LDAH: variants seen among roughly 807,000 people sequenced by gnomAD.
LDAH encodes the protein lipid droplet associated hydrolase.
LDAH carries 26 observed loss-of-function variants against 29.6 expected under a neutral mutation model. That is an observed-to-expected ratio of 0.88 (90% CI 0.64 to 1.22). The LOEUF is 1.22. Among genes scored for constraint, LDAH ranks in the 50% most tolerant of loss-of-function variants. The pLI is 0.00. For synonymous variants in LDAH, 117 were observed against 133.0 expected (o/e 0.88, Z 0.83); for missense variants, 344 against 387.3 (o/e 0.89, Z 0.94).
intron 5 of LDAH, among the ~76,000 whole-genome samples, chr2:20,711,426 T>C (rs1664756687): frequency 6.7e-6 from 1 of 150,086 alleles, no homozygotes. Context: ...CGTTCCAAGA[T>C]GGCCGAATAG....
chr2:20,741,831 T>C (rs933912964), intron 4 of LDAH, among the ~76,000 whole-genome samples: 4 of 152,204 alleles, frequency 2.6e-5, no homozygotes, highest in Admixed American at 1.3e-4. Context: ...CAGTATTCCA[T>C]TGAGTGCATA....
At chr2:20,788,279 C>A (rs1049954268) in intron 3 of LDAH, among the ~76,000 whole-genome samples, 1 of 152,128 alleles carries the variant, frequency 6.6e-6, no homozygotes, top group Admixed American at 6.5e-5. Flanking sequence ...GTTTATCTGA[C>A]GTGCAACATT....
rs148802616 is a variant in LDAH, at chr2:20,796,227, G to C, written c.154+5083C>G. Among the ~76,000 whole-genome samples, 653 of 152,138 alleles carry C rather than the reference G, an allele frequency of 4.3e-3. 5 individuals carry two copies. Among genetic ancestry groups the C allele is most frequent in the African/African-American group, 0.015 (623 of 41,486 alleles). ...TTCCTTTCAATCCTCTTCAGCAGAG[G>C]CCTCAGTCACTCTTCTCTAACACCA... On this transcript the variant is annotated intron_variant, in intron 2 of 6. Transcript: ENST00000237822.
At chr2:20,710,606 G>GTGTGTATATATATATC (rs1467950593) in intron 5 of LDAH, among the ~76,000 whole-genome samples, 1 of 131,874 alleles carries the variant, frequency 7.6e-6, no homozygotes, top group Non-Finnish European at 1.6e-5. Flanking sequence ...GTGTGTGTGT[G>GTGTGTATATATATATC]TATATATATA....
chr2:20,731,645 A>G (rs900378396), intron 5 of LDAH, among the ~76,000 whole-genome samples: 8 of 152,114 alleles, frequency 5.3e-5, no homozygotes, highest in African/African-American at 1.7e-4. Flanking sequence ...ATAATTATGT[A>G]TATGTTTTTC....
intron 3 of LDAH, among the ~76,000 whole-genome samples, chr2:20,777,644 A>G (rs1212450243): frequency 6.6e-6 from 1 of 152,058 alleles, no homozygotes; most frequent in African/African-American, 2.4e-5. Context: ...TTCTGACCTC[A>G]GGTGATCCAC....
intron 1 of LDAH, among the ~76,000 whole-genome samples, chr2:20,808,537 G>C (rs778949315): frequency 1.3e-5 from 2 of 151,782 alleles, no homozygotes; most frequent in African/African-American, 2.4e-5. Flanking sequence ...GGTGGCGGGC[G>C]TCTATAATCC....
At position 20,715,032 on chromosome 2, in the gene LDAH, T is replaced by C. The variant is rs528860321; in HGVS notation, c.704-13380A>G. 9.2e-5 allele frequency among the ~76,000 whole-genome samples: 14 copies of C among 152,348 alleles called. No homozygotes were observed. In the East Asian group the frequency reaches 2.5e-3, roughly 27 times the overall value. ...AGGGAATCCTCCCTAACTCATTTTA[T>C]GAGGTCAACATCATCCTGATACCAA... On this transcript the variant is annotated intron_variant, in intron 5 of 6. Coordinates refer to ENST00000237822, the MANE Select transcript of LDAH (RefSeq NM_021925.4).
intron 5 of LDAH, among the ~76,000 whole-genome samples, chr2:20,733,214 G>A (rs1666531461): frequency 6.6e-6 from 1 of 151,602 alleles, no homozygotes; most frequent in South Asian, 2.1e-4. Flanking sequence ...TTTTGATTCA[G>A]TTTTATTATT....
At chr2:20,697,474 A>G (rs1433998881) in intron 6 of LDAH, among the ~76,000 whole-genome samples, 1 of 152,254 alleles carries the variant, frequency 6.6e-6, no homozygotes, top group Non-Finnish European at 1.5e-5. Flanking sequence ...TCCTAGGGCT[A>G]ACTGATATGA....
intron 4 of LDAH, among the ~76,000 whole-genome samples, chr2:20,753,314 T>C (rs982868515): frequency 1.3e-5 from 2 of 152,258 alleles, no homozygotes; most frequent in Non-Finnish European, 2.9e-5. Flanking sequence ...TCCAAACTTG[T>C]ACTAGGTTGA....
chr2:20,790,508 C>A, intron 2 of LDAH, 110 bp from the exon 3 acceptor site: 5 of 845,612 alleles, frequency 5.9e-6, no homozygotes, highest in Non-Finnish European at 9.3e-6. Context: ...CCTCTGAATT[C>A]TTCAGAGTAC....
At chr2:20,795,985 A>G (rs1297812950) in intron 2 of LDAH, among the ~76,000 whole-genome samples, 1 of 144,188 alleles carries the variant, frequency 6.9e-6, no homozygotes, top group Non-Finnish European at 1.5e-5. Context: ...ACACACACAC[A>G]AAATACAATT....
At position 20,698,515 on chromosome 2, in the gene LDAH, C is replaced by G. The variant is rs1663665855; in HGVS notation, c.786+3055G>C. On this transcript the variant is annotated intron_variant, in intron 6 of 6. Coordinates refer to ENST00000237822, the MANE Select transcript of LDAH (RefSeq NM_021925.4). The surrounding 1 kb of genome is among the most constrained non-coding windows in gnomAD (Gnocchi z 4.4). ...CCAGCCTGACCAACATGGTGAAACC[C>G]TGTCTCTAGTAAAAATTAGCTGGGT... Among the ~76,000 whole-genome samples the G allele has an allele frequency of 6.6e-6, 1 of 152,084 alleles. No individual in the cohort carries two copies.
chr2:20,733,221 TATTA>T lies in LDAH; in HGVS notation c.703+6746_703+6749del, dbSNP rs200833947. Among the ~76,000 whole-genome samples the T allele has an allele frequency of 6.3e-3, 956 of 151,932 alleles. 4 individuals carry two copies. Among genetic ancestry groups the T allele is most frequent in the Middle Eastern group, 0.014 (4 of 294 alleles). The stretch of plus-strand genomic sequence containing the variant: ...TATTTTCATTTTGATTCAGTTTTAT[TATTA>T]ATTATTAATAATTTTATTTTTTTTT... On this transcript the variant is annotated intron_variant, in intron 5 of 6. Transcript: ENST00000237822.
chr2:20,814,293 C>A lies in LDAH; in HGVS notation c.-3+8744G>T, dbSNP rs116561009. ...TAGGGATAGGAATCAAACTGATAAA[C>A]CTCAGCAGTCAATATAACCTAAATC... is the stretch of plus-strand genomic sequence containing the variant. On this transcript the variant is annotated intron_variant, in intron 1 of 6. Transcript: ENST00000237822. 8.9e-3 allele frequency among the ~76,000 whole-genome samples: 1,351 copies of A among 151,384 alleles called. 27 individuals carry two copies. The highest frequency in any genetic ancestry group is 0.031 in the African/African-American group (1,278 of 41,222).
At chr2:20,715,633 C>T (rs190141191) in intron 5 of LDAH, among the ~76,000 whole-genome samples, 2 of 152,314 alleles carry the variant, frequency 1.3e-5, no homozygotes, top group East Asian at 1.9e-4. Flanking sequence ...TAGAAAACCC[C>T]ATTGTCTCAG....
At chr2:20,733,836 T>A (rs1666594095) in intron 5 of LDAH, among the ~76,000 whole-genome samples, 1 of 152,216 alleles carries the variant, frequency 6.6e-6, no homozygotes, top group African/African-American at 2.4e-5. Flanking sequence ...ATAGTTTTAT[T>A]AATTACATGT....
chr2:20,798,917 A>G (rs959504013), intron 2 of LDAH, among the ~76,000 whole-genome samples: 2 of 152,062 alleles, frequency 1.3e-5, no homozygotes. Flanking sequence ...AAGAAGAAAT[A>G]TAAGTATTTC....
Sources: gnomAD v4.1 joint callset for allele counts (sites outside exome capture counted in the v4.1 genomes callset) on GRCh38, gnomAD v4.1.1 for gene constraint, Gnocchi (gnomAD v3.1) non-coding constraint, MANE v1.5 for transcripts, NCBI Gene and HGNC (gene_info 2026-07-23, HGNC 2026-07-21) for gene names.